Variants in ZNF536 observed in about 807,000 individuals in gnomAD.
The protein encoded by ZNF536 is zinc finger protein 536.
A neutral mutation model predicts 84.5 loss-of-function variants in ZNF536; 13 were observed. The observed-to-expected ratio is 0.15, with a 90% confidence interval of 0.10 to 0.24. The LOEUF (loss-of-function observed/expected upper bound fraction) is 0.24. Ranked by LOEUF, ZNF536 falls within the 10% of genes least tolerant of loss-of-function variation. The pLI is 1.00. For missense variants in ZNF536, 1,536 were observed against 1,747.5 expected (o/e 0.88, Z 2.16); for synonymous variants, 811 against 742.5 (o/e 1.09, Z -1.50).
intron 2 of ZNF536, among the ~76,000 whole-genome samples, chr19:30,514,431 C>G (rs1301946667): frequency 6.6e-6 from 1 of 151,952 alleles, no homozygotes; most frequent in Non-Finnish European, 1.5e-5. Context: ...AAGCCAGAAC[C>G]CCTGGGTCCT....
chr19:30,680,076 T>C (rs1354249569), intron 1 of ZNF536, among the ~76,000 whole-genome samples: 1 of 150,684 alleles, frequency 6.6e-6, no homozygotes, highest in Non-Finnish European at 1.5e-5. Context: ...CAAAGAGGGG[T>C]CAGGCTGAGT....
intron 2 of ZNF536, among the ~76,000 whole-genome samples, chr19:30,464,670 G>A (rs978830397): frequency 3.3e-5 from 5 of 151,942 alleles, no homozygotes; most frequent in East Asian, 1.9e-4. Flanking sequence ...TTGATGACAC[G>A]CTGTCATCTC....
At chr19:30,550,113 C>T (rs987022183) in intron 4 of ZNF536, among the ~76,000 whole-genome samples, 1 of 152,182 alleles carries the variant, frequency 6.6e-6, no homozygotes, top group Non-Finnish European at 1.5e-5. Flanking sequence ...TGGCCTTCTG[C>T]GCTTGCCTTC....
At chr19:30,585,693 C>T (rs1568576841) in intron 1 of ZNF536, among the ~76,000 whole-genome samples, 1 of 152,186 alleles carries the variant, frequency 6.6e-6, no homozygotes, top group Non-Finnish European at 1.5e-5. Context: ...AGCCCAGTCT[C>T]ATCCCTGCTA....
chr19:30,700,345 C>T (rs2051885457), intron 1 of ZNF536, among the ~76,000 whole-genome samples: 1 of 148,742 alleles, frequency 6.7e-6, no homozygotes, highest in South Asian at 2.2e-4. Context: ...CCCTCCCTCC[C>T]CCCTCCTTCC....
chr19:30,379,058 CAT>C (rs1161131855), intron 1 of ZNF536, among the ~76,000 whole-genome samples: 4 of 152,186 alleles, frequency 2.6e-5, no homozygotes, highest in African/African-American at 4.8e-5. Context: ...GGAAATAACA[CAT>C]GTGCCGTCAC....
At chr19:30,633,593 C>T (rs2048965414) in intron 1 of ZNF536, among the ~76,000 whole-genome samples, 1 of 152,156 alleles carries the variant, frequency 6.6e-6, no homozygotes, top group South Asian at 2.1e-4. Flanking sequence ...AGATCAATTG[C>T]TTCAGAGTCC....
At chr19:30,464,271 GTTTACCACAA>G (rs2053284837) in intron 2 of ZNF536, among the ~76,000 whole-genome samples, 1 of 152,158 alleles carries the variant, frequency 6.6e-6, no homozygotes, top group South Asian at 2.1e-4. Flanking sequence ...GTCTGACTGA[GTTTACCACAA>G]GGCAGGGATT....
chr19:30,677,291 G>A (rs559836365), intron 1 of ZNF536, among the ~76,000 whole-genome samples: 3 of 152,174 alleles, frequency 2.0e-5, no homozygotes, highest in Non-Finnish European at 4.4e-5. Context: ...CCTGCTTCTC[G>A]GTTTCTTATT....
At chr19:30,665,663 T>C (rs1385012004) in intron 1 of ZNF536, 1 of 152,196 alleles carries the variant, frequency 6.6e-6, no homozygotes, top group Non-Finnish European at 1.5e-5. Flanking sequence ...TTCGAAACCA[T>C]CTGGAGATCC....
intron 2 of ZNF536, among the ~76,000 whole-genome samples, chr19:30,507,505 G>A (rs2055223137): frequency 6.6e-6 from 1 of 152,048 alleles, no homozygotes; most frequent in African/African-American, 2.4e-5. Context: ...CTTTTTAAAA[G>A]CAAACAAAAA....
At chr19:30,672,879 C>A (rs1423892064) in intron 1 of ZNF536, among the ~76,000 whole-genome samples, 2 of 152,174 alleles carry the variant, frequency 1.3e-5, no homozygotes, top group African/African-American at 2.4e-5. Context: ...CCTGCTGGGA[C>A]CCTCCGAGGA....
intron 1 of ZNF536, among the ~76,000 whole-genome samples, chr19:30,658,246 T>A (rs1385347965): frequency 6.6e-6 from 1 of 152,064 alleles, no homozygotes; most frequent in Non-Finnish European, 1.5e-5. Context: ...AGTCTTGAAG[T>A]TCTGACTTCA....
chr19:30,269,974 T>G (rs761442796), intron 1 of ZNF536, among the ~76,000 whole-genome samples: 12 of 152,166 alleles, frequency 7.9e-5, no homozygotes, highest in Non-Finnish European at 1.5e-4. Context: ...CCTTTATATA[T>G]CCCTCTGAAC....
intron 1 of ZNF536, among the ~76,000 whole-genome samples, chr19:30,385,057 A>T (rs576788897): frequency 1.3e-5 from 2 of 151,596 alleles, no homozygotes; most frequent in Non-Finnish European, 2.9e-5. Context: ...ACCCAGCTCC[A>T]CCTCCCATTG....
At chr19:30,278,763 A>C (rs1001880433) in intron 1 of ZNF536, among the ~76,000 whole-genome samples, 2 of 152,068 alleles carry the variant, frequency 1.3e-5, no homozygotes, top group African/African-American at 4.8e-5. Context: ...TCTCCAGCTC[A>C]CACCAGATCC....
chr19:30,595,050 C>T (rs542288316), intron 1 of ZNF536, among the ~76,000 whole-genome samples: 15 of 151,130 alleles, frequency 9.9e-5, no homozygotes, highest in African/African-American at 2.5e-4. Flanking sequence ...CAGTGGGCAC[C>T]GCACAGAGGT....
intron 2 of ZNF536, among the ~76,000 whole-genome samples, chr19:30,527,086 T>G (rs1456416446): frequency 6.6e-6 from 1 of 151,956 alleles, no homozygotes; most frequent in Admixed American, 6.6e-5. Flanking sequence ...ACCTGGCTAA[T>G]TTTTGTATTC....
intron 2 of ZNF536, among the ~76,000 whole-genome samples, chr19:30,513,574 A>G (rs73536757): frequency 0.029 from 4,369 of 152,332 alleles, 209 homozygotes; most frequent in African/African-American, 0.1. Flanking sequence ...TAACACAAGA[A>G]TCTGGTCTAT....
Sources: allele counts gnomAD v4.1 joint callset (sites outside exome capture counted in the v4.1 genomes callset), GRCh38; gene constraint gnomAD v4.1.1; transcripts MANE v1.5; gene names NCBI Gene and HGNC (gene_info 2026-07-23, HGNC 2026-07-21).